Variants in SHC4 observed in about 807,000 individuals in gnomAD.
SHC4 encodes SHC adaptor protein 4.
SHC4 carries 41 observed loss-of-function variants against 69.4 expected under a neutral mutation model. The ratio of observed to expected loss-of-function variants is 0.59; its 90% CI spans 0.46 to 0.77. The LOEUF is 0.77. Ranked by LOEUF, SHC4 falls within the 30% of genes least tolerant of loss-of-function variation. The pLI is 0.00. For synonymous variants in SHC4, 318 were observed against 299.3 expected (o/e 1.06, Z -0.64); for missense variants, 777 against 783.8 (o/e 0.99, Z 0.10).
intron 2 of SHC4, among the ~76,000 whole-genome samples, chr15:48,917,693 C>A (rs1900653637): frequency 6.6e-6 from 1 of 152,130 alleles, no homozygotes; most frequent in South Asian, 2.1e-4. Flanking sequence ...AATCTAGAGT[C>A]AAGGTAGGGA....
Position 48,825,860 on chromosome 15 carries a change from C to T in SHC4, c.*111G>A. 1 of 1,293,808 alleles carries T rather than the reference C, an allele frequency of 7.7e-7. No individual in the cohort carries two copies. The allele number at this position is 1,293,808 out of a possible 1,614,324, so 80.1% of individuals were successfully genotyped here. A position where few individuals can be genotyped will look rare whatever the true frequency, so the allele number is the denominator to read the frequency against. On this transcript the variant is annotated 3_prime_UTR_variant, in exon 12 of 12. Transcript: ENST00000332408. ...GGTCCATGATGGTCTTGGAAAGATG[C>T]ACTTCACAGTTTGTGCTCTATTTTA... is the stretch of plus-strand genomic sequence containing the variant.
chr15:48,862,272 C>T (rs1337913112), intron 6 of SHC4, among the ~76,000 whole-genome samples: 3 of 151,742 alleles, frequency 2.0e-5, no homozygotes, highest in African/African-American at 7.3e-5. Flanking sequence ...GCAGTCCAGT[C>T]CTATTCACAG....
At chr15:48,867,304 T>C (rs1324011458) in intron 6 of SHC4, among the ~76,000 whole-genome samples, 1 of 152,218 alleles carries the variant, frequency 6.6e-6, no homozygotes, top group Non-Finnish European at 1.5e-5. Context: ...GAAATGCTAC[T>C]GGAGACAGGA....
intron 4 of SHC4, among the ~76,000 whole-genome samples, chr15:48,874,650 G>C (rs1365177278): frequency 6.6e-6 from 1 of 152,146 alleles, no homozygotes; most frequent in Non-Finnish European, 1.5e-5. Flanking sequence ...GCTAGTGCTG[G>C]GGAGTGGCTG....
At chr15:48,860,711 A>G (rs1899424320) in intron 6 of SHC4, among the ~76,000 whole-genome samples, 1 of 152,176 alleles carries the variant, frequency 6.6e-6, no homozygotes, top group Non-Finnish European at 1.5e-5. Context: ...ACTTCCAGTG[A>G]GGGCGATGAG....
At chr15:48,859,325 G>A (rs2140985185) in intron 6 of SHC4, among the ~76,000 whole-genome samples, 1 of 151,960 alleles carries the variant, frequency 6.6e-6, no homozygotes, top group East Asian at 1.9e-4. Context: ...GTGTGTGTGT[G>A]TGTGTGTGTG....
Position 48,884,272 on chromosome 15 carries a change from T to C in SHC4, c.816A>G (p.Thr272=), listed in dbSNP as rs369085482. 5.0e-6 allele frequency: 8 copies of C among 1,607,340 alleles called. No individual in the cohort carries two copies. Among genetic ancestry groups the C allele is most frequent in the Non-Finnish European group, 5.9e-6 (7 of 1,178,098 alleles). ...CCTGTTGGTTGTCAAGATTCATCAA[T>C]GTGAGACTGCATGTTGAGATGGTCA... ...IKLTISTCSL[T]LMNLDNQQII... is the part of the protein sequence containing the mutation. The change falls in exon 4 of 12, where the codon ACA becomes ACG. Residue 272 remains threonine, a synonymous_variant. Coordinates refer to ENST00000332408, the MANE Select transcript of SHC4 (RefSeq NM_203349.4).
intron 2 of SHC4, among the ~76,000 whole-genome samples, chr15:48,913,098 G>A (rs1296460663): frequency 2.6e-5 from 4 of 151,964 alleles, no homozygotes; most frequent in Non-Finnish European, 2.9e-5. Flanking sequence ...GCACTTTCCA[G>A]AGAGCATCAG....
At chr15:48,962,190 G>A (rs1269477727) in intron 1 of SHC4, among the ~76,000 whole-genome samples, 2 of 152,130 alleles carry the variant, frequency 1.3e-5, no homozygotes, top group Non-Finnish European at 2.9e-5. Flanking sequence ...GTACCCACAA[G>A]TTCATGTCCT....
chr15:48,931,019 T>C (rs531592237), intron 1 of SHC4, among the ~76,000 whole-genome samples: 3 of 152,218 alleles, frequency 2.0e-5, no homozygotes, highest in Non-Finnish European at 4.4e-5. Context: ...ACTCACCTAT[T>C]GGGGTCACCT....
At position 48,939,320 on chromosome 15, in the gene SHC4, G is replaced by A. The variant is rs1359093359; in HGVS notation, c.586-14371C>T. On this transcript the variant is annotated intron_variant, in intron 1 of 11. Transcript: ENST00000332408. ...GAAGAAGGGTCAGAGGAAGGACGCT[G>A]GGGCGAGTTATGAAGGGCAGGCAAT... 2.0e-5 allele frequency among the ~76,000 whole-genome samples: 3 copies of A among 152,302 alleles called. No individual in the cohort carries two copies. The East Asian group carries it at 5.8e-4, about 29-fold the overall frequency.
chr15:48,894,723 C>T (rs1900193177), intron 2 of SHC4, among the ~76,000 whole-genome samples: 1 of 152,072 alleles, frequency 6.6e-6, no homozygotes, highest in South Asian at 2.1e-4. Context: ...AATGGTGCAC[C>T]TTGCAGTAGC....
At chr15:48,935,345 C>T (rs1351161387) in intron 1 of SHC4, among the ~76,000 whole-genome samples, 1 of 152,154 alleles carries the variant, frequency 6.6e-6, no homozygotes, top group Non-Finnish European at 1.5e-5. Context: ...CCCTGTGGTG[C>T]TGCAATTTAT....
intron 8 of SHC4, among the ~76,000 whole-genome samples, chr15:48,854,268 A>G (rs865817850): frequency 2.0e-5 from 3 of 152,008 alleles, no homozygotes; most frequent in Non-Finnish European, 4.4e-5. Flanking sequence ...CCACAATCAC[A>G]TATCACATAT....
chr15:48,859,144 A>G (rs1031379708), intron 6 of SHC4, among the ~76,000 whole-genome samples: 14 of 152,236 alleles, frequency 9.2e-5, no homozygotes, highest in Admixed American at 5.2e-4. Flanking sequence ...ATTCATTCAC[A>G]TCTAACAGAA....
intron 2 of SHC4, among the ~76,000 whole-genome samples, chr15:48,919,295 A>ATTTTTGTTTTTTTTTTTT (rs1900691902): frequency 1.4e-5 from 1 of 71,216 alleles, no homozygotes; most frequent in Non-Finnish European, 2.6e-5. Context: ...ATTTATTTTA[A>ATTTTTGTTTTTTTTTTTT]TTTTTTTTTT....
intron 10 of SHC4, among the ~76,000 whole-genome samples, chr15:48,842,068 G>A (rs903516215): frequency 6.6e-6 from 1 of 152,172 alleles, no homozygotes; most frequent in African/African-American, 2.4e-5. Context: ...TTGACACCAT[G>A]CCAATCTCTG....
At chr15:48,928,603 T>A (rs1383474123) in intron 1 of SHC4, among the ~76,000 whole-genome samples, 1 of 152,106 alleles carries the variant, frequency 6.6e-6, no homozygotes, top group Non-Finnish European at 1.5e-5. Flanking sequence ...AGGAGAGGAA[T>A]TTTTAGTGTC....
intron 4 of SHC4, among the ~76,000 whole-genome samples, chr15:48,883,851 C>T (rs1383793384): frequency 2.0e-5 from 3 of 152,216 alleles, no homozygotes; most frequent in African/African-American, 7.2e-5. Context: ...CCCAACATCA[C>T]CTTTCCCCTT....
Sources: gnomAD v4.1 joint callset for allele counts (sites outside exome capture counted in the v4.1 genomes callset) on GRCh38, gnomAD v4.1.1 for gene constraint, MANE v1.5 for transcripts, NCBI Gene and HGNC (gene_info 2026-07-23, HGNC 2026-07-21) for gene names.